Variants in MYO18B observed in about 807,000 individuals in gnomAD.
The protein encoded by MYO18B is myosin XVIIIB, also known as unconventional myosin-XVIIIb.
Under a neutral mutation model 273.0 loss-of-function variants are expected in MYO18B, and 204 were observed. The observed-to-expected ratio is 0.75, with a 90% CI of 0.67 to 0.84. The LOEUF (loss-of-function observed/expected upper bound fraction) is 0.84. Among genes scored for constraint, MYO18B ranks in the 40% least tolerant of loss-of-function variants. The pLI, the probability that MYO18B is intolerant of heterozygous loss-of-function variation, is 0.00. For missense variants in MYO18B, 3,212 were observed against 3,287.6 expected (o/e 0.98, Z 0.56); for synonymous variants, 1,330 against 1,305.7 (o/e 1.02, Z -0.40).
intron 7 of MYO18B, among the ~76,000 whole-genome samples, chr22:25,775,170 G>A (rs115278223): frequency 0.013 from 1,994 of 152,310 alleles, 44 homozygotes; most frequent in African/African-American, 0.045. Flanking sequence ...AGGACCCTCT[G>A]ACTGCCTTAA....
chr22:25,756,359 T>C (rs1222759220), intron 1 of MYO18B: 1 of 152,264 alleles, frequency 6.6e-6, no homozygotes, highest in Non-Finnish European at 1.5e-5. Flanking sequence ...TGTGACCTCA[T>C]TAGAGCCGAA....
intron 12 of MYO18B, among the ~76,000 whole-genome samples, chr22:25,814,260 T>G (rs939830398): frequency 6.8e-6 from 1 of 146,846 alleles, no homozygotes; most frequent in African/African-American, 2.5e-5. Context: ...TAGCTCACAT[T>G]TAATCAGTGC....
intron 7 of MYO18B, among the ~76,000 whole-genome samples, chr22:25,775,003 G>T (rs1301964630): frequency 6.6e-6 from 1 of 152,260 alleles, no homozygotes; most frequent in Non-Finnish European, 1.5e-5. Flanking sequence ...AGGCATGTGT[G>T]CATGCATGCA....
At chr22:25,878,181 A>G in intron 25 of MYO18B, 133 bp downstream of exon 25, 1 of 671,734 alleles carries the variant, frequency 1.5e-6, no homozygotes, top group Admixed American at 3.2e-5. Context: ...CCTGTGAGGC[A>G]CATGCTGTTA....
At chr22:25,830,429 T>C (rs906207242) in intron 15 of MYO18B, among the ~76,000 whole-genome samples, 2 of 152,232 alleles carry the variant, frequency 1.3e-5, no homozygotes, top group Non-Finnish European at 2.9e-5. Context: ...GCAGCTCTCT[T>C]GGTCCAGGAT....
chr22:25,885,993 T>C (rs866870242), intron 25 of MYO18B, among the ~76,000 whole-genome samples: 1 of 152,230 alleles, frequency 6.6e-6, no homozygotes, highest in Non-Finnish European at 1.5e-5. Flanking sequence ...CACTTGTTAG[T>C]TCAGTCAACC....
At chr22:25,844,004 G>A (rs948764675) in intron 18 of MYO18B, 110 bp downstream of exon 18, 1 of 978,668 alleles carries the variant, frequency 1.0e-6, no homozygotes, top group Non-Finnish European at 1.5e-6. Flanking sequence ...GCCAGCCCAG[G>A]AATCCCATCC....
intron 3 of MYO18B, among the ~76,000 whole-genome samples, chr22:25,767,015 AG>A (rs1415372233): frequency 6.6e-6 from 1 of 152,192 alleles, no homozygotes; most frequent in Admixed American, 6.5e-5. Context: ...ATGCAAGAGG[AG>A]GGGGAGAATC....
At chr22:25,759,569 GA>G (rs2146581110) in intron 1 of MYO18B, among the ~76,000 whole-genome samples, 1 of 152,334 alleles carries the variant, frequency 6.6e-6, no homozygotes, top group South Asian at 2.1e-4. Flanking sequence ...ACCTAATGTA[GA>G]TGATGGGTTG....
At chr22:25,937,024 T>C (rs1408247632) in intron 34 of MYO18B, among the ~76,000 whole-genome samples, 1 of 152,172 alleles carries the variant, frequency 6.6e-6, no homozygotes, top group African/African-American at 2.4e-5. Context: ...GTGATTATCC[T>C]ACTACTAATA....
At chr22:25,938,503 A>G (rs765808524) in intron 34 of MYO18B, among the ~76,000 whole-genome samples, 2 of 152,174 alleles carry the variant, frequency 1.3e-5, no homozygotes, top group Non-Finnish European at 2.9e-5. Flanking sequence ...CCTTGGGCAA[A>G]TCACTTCTTC....
downstream of MYO18B, among the ~76,000 whole-genome samples, chr22:26,032,303 C>T (rs770645038): frequency 6.6e-6 from 1 of 152,144 alleles, no homozygotes; most frequent in South Asian, 2.1e-4. Flanking sequence ...TTTCTGGAGG[C>T]AGGAAGTCTG....
the MYO18B span, among the ~76,000 whole-genome samples, chr22:26,057,175 A>G: frequency 1.3e-5 from 2 of 152,134 alleles, no homozygotes; most frequent in Admixed American, 1.3e-4. Context: ...CCCTTGTTCT[A>G]AAGGATGCAG....
Position 25,828,864 on chromosome 22 carries a change from C to T in MYO18B, c.2875C>T (p.Arg959Trp), listed in dbSNP as rs766043338. ...GAACCCCCGGCACCAGGGCAAGGAC[C>T]GGGCGGCCACCTTTGAGGAGCTGTG... ...FQNPRHQGKD[R>W]AATFEELCHN... The change falls in exon 15 of 44, where the codon CGG becomes TGG. Residue 959 changes from arginine to tryptophan, a missense_variant. By Grantham distance (101) the Arg-to-Trp change is moderately radical (BLOSUM62 -3). Transcript: ENST00000335473. The T allele has an allele frequency of 6.8e-6, 11 of 1,613,864 alleles. No homozygotes were observed. Among genetic ancestry groups the T allele is most frequent in the Admixed American group, 1.7e-5 (1 of 60,008 alleles).
chr22:25,824,055 G>A (rs891049479), intron 13 of MYO18B, among the ~76,000 whole-genome samples: 2 of 152,302 alleles, frequency 1.3e-5, no homozygotes, highest in East Asian at 1.9e-4. Context: ...TGGCTGCTGC[G>A]AGGTGGAGGG....
At chr22:25,814,907 A>G (rs1456051405) in intron 12 of MYO18B, among the ~76,000 whole-genome samples, 1 of 152,234 alleles carries the variant, frequency 6.6e-6, no homozygotes, top group Admixed American at 6.5e-5. Context: ...AAGTAAAGTA[A>G]GTTACCTAAG....
chr22:26,026,526 C>A lies in MYO18B; in HGVS notation c.6552C>A (p.Ser2184Arg). The A allele has an allele frequency of 6.2e-7, 1 of 1,613,932 alleles. No homozygotes were observed. Among genetic ancestry groups the A allele is most frequent in the East Asian group, 2.2e-5 (1 of 44,866 alleles). The change falls in exon 43 of 44, where the codon AGC (serine) becomes AGA (arginine). Residue 2184 changes from serine to arginine, a missense_variant. Coordinates refer to ENST00000335473, the MANE Select transcript of MYO18B (RefSeq NM_032608.7). ...GAGCCCGGTCCACCAATGTCCACAG[C>A]AAGACCTCAGGAGACAAGCCTGTTT... ...LSRARSTNVH[S>R]KTSGDKPVSP...
At chr22:26,023,453 T>C (rs1935981106) in intron 42 of MYO18B, among the ~76,000 whole-genome samples, 1 of 151,330 alleles carries the variant, frequency 6.6e-6, no homozygotes, top group Non-Finnish European at 1.5e-5. Flanking sequence ...TTCCCCCCTA[T>C]GTTTTTGGCT....
At chr22:25,925,020 A>C (rs1446145206) in intron 34 of MYO18B, among the ~76,000 whole-genome samples, 1 of 152,166 alleles carries the variant, frequency 6.6e-6, no homozygotes, top group Non-Finnish European at 1.5e-5. Flanking sequence ...AGTCTCTGAG[A>C]GGTTGAGCAA....
Sources: gnomAD v4.1 joint callset for allele counts (sites outside exome capture counted in the v4.1 genomes callset) on GRCh38, gnomAD v4.1.1 for gene constraint, MANE v1.5 for transcripts, NCBI Gene and HGNC (gene_info 2026-07-23, HGNC 2026-07-21) for gene names.